Variants in BCL2 observed in about 807,000 individuals in gnomAD.
BCL2 encodes BCL2 apoptosis regulator, also known as apoptosis regulator Bcl-2.
BCL2 carries 1 observed loss-of-function variant against 14.2 expected under a neutral mutation model. The observed-to-expected ratio is 0.07, with a 90% CI of 0.02 to 0.33. The LOEUF (loss-of-function observed/expected upper bound fraction) is 0.33, where lower values mean the gene tolerates loss of function less well. BCL2 is among the 10% of genes least tolerant of loss of function. The pLI is 0.99. For missense variants in BCL2, 247 were observed against 305.9 expected (o/e 0.81, Z 1.44); for synonymous variants, 151 against 137.2 (o/e 1.10, Z -0.70).
At chr18:63,138,862 G>A (rs191598641) in intron 2 of BCL2, among the ~76,000 whole-genome samples, 2 of 152,378 alleles carry the variant, frequency 1.3e-5, no homozygotes, top group African/African-American at 4.8e-5. Flanking sequence ...ATTTAGCTAA[G>A]AATGCAAATC....
chr18:63,157,651 T>C (rs941213147), intron 2 of BCL2, among the ~76,000 whole-genome samples: 1 of 152,174 alleles, frequency 6.6e-6, no homozygotes, highest in Non-Finnish European at 1.5e-5. Context: ...CCATATGCCA[T>C]CAAAATACCA....
chr18:63,277,034 A>G (rs1407976171), intron 2 of BCL2, among the ~76,000 whole-genome samples: 1 of 152,032 alleles, frequency 6.6e-6, no homozygotes, highest in Non-Finnish European at 1.5e-5. Context: ...ATTTCCCGCC[A>G]CTTTCCCTCC....
At chr18:63,187,714 T>G (rs1915622472) in intron 2 of BCL2, among the ~76,000 whole-genome samples, 1 of 152,246 alleles carries the variant, frequency 6.6e-6, no homozygotes, top group Admixed American at 6.5e-5. Context: ...GTATTGTTGT[T>G]GTTACCTCTA....
At chr18:63,264,982 A>G (rs1298329874) in intron 2 of BCL2, among the ~76,000 whole-genome samples, 1 of 3,636 alleles carries the variant, frequency 2.8e-4, no homozygotes, top group Non-Finnish European at 5.7e-4. Flanking sequence ...ATGGAAAGAA[A>G]CCAAGTGCCA....
chr18:63,239,467 C>A (rs748513678), intron 2 of BCL2, among the ~76,000 whole-genome samples: 1 of 152,148 alleles, frequency 6.6e-6, no homozygotes, highest in Non-Finnish European at 1.5e-5. Flanking sequence ...TCAGGCCAGG[C>A]GCAGTGACTC....
intron 2 of BCL2, among the ~76,000 whole-genome samples, chr18:63,185,953 G>T (rs1915585269): frequency 6.6e-6 from 1 of 152,218 alleles, no homozygotes; most frequent in South Asian, 2.1e-4. Context: ...TGTCAAAACA[G>T]CTTGGAGCTT....
intron 2 of BCL2, among the ~76,000 whole-genome samples, chr18:63,239,476 T>C (rs543929700): frequency 1.3e-5 from 2 of 152,326 alleles, no homozygotes; most frequent in Admixed American, 1.3e-4. Context: ...GCGCAGTGAC[T>C]CACACCTGTA....
intron 2 of BCL2, chr18:63,317,552 A>G: frequency 1.0e-6 from 1 of 986,814 alleles, no homozygotes; most frequent in Non-Finnish European, 1.2e-6. Flanking sequence ...CTTTTGGAAA[A>G]TTTTACCGAT....
chr18:63,269,161 C>T (rs1454286618), intron 2 of BCL2, among the ~76,000 whole-genome samples: 2 of 151,778 alleles, frequency 1.3e-5, no homozygotes, highest in African/African-American at 4.8e-5. Context: ...ACTATGCTGC[C>T]CAGGCTGGTC....
rs1910676893 is a variant in BCL2, at chr18:63,231,130, G to A, written c.585+86952C>T. On this transcript the variant is annotated intron_variant, in intron 2 of 2. Transcript: ENST00000333681. Reference sequence around the variant, plus strand: ...TTCCCCACATTGGCAAATTAGGAAGGAAAAACCATATAATCATCTCAATAG... The same window carrying A: ...TTCCCCACATTGGCAAATTAGGAAGAAAAAACCATATAATCATCTCAATAG... Among the ~76,000 whole-genome samples, 5 of 151,924 alleles carry A rather than the reference G, an allele frequency of 3.3e-5. No individual in the cohort carries two copies. In the South Asian group the frequency reaches 1.0e-3, roughly 32 times the overall value.
chr18:63,190,548 GC>G (rs1909261220), intron 2 of BCL2, among the ~76,000 whole-genome samples: 1 of 152,164 alleles, frequency 6.6e-6, no homozygotes, highest in African/African-American at 2.4e-5. Flanking sequence ...CTTTCAGATG[GC>G]AGGGACACAA....
chr18:63,159,324 C>G (rs1197538024), intron 2 of BCL2, among the ~76,000 whole-genome samples: 1 of 152,208 alleles, frequency 6.6e-6, no homozygotes, highest in Non-Finnish European at 1.5e-5. Flanking sequence ...ACCTTCGCCT[C>G]CACTAAGACA....
Position 63,289,199 on chromosome 18 carries a change from A to C in BCL2, c.585+28883T>G, listed in dbSNP as rs560999151. On this transcript the variant is annotated intron_variant, in intron 2 of 2. Coordinates refer to ENST00000333681, the MANE Select transcript of BCL2 (RefSeq NM_000633.3). ...CATGTTTATAACCTGGAAGAGGAAG[A>C]AGGAAAAGTATAGCAAACATTTGTA... Among the ~76,000 whole-genome samples the C allele has an allele frequency of 1.4e-4, 22 of 152,318 alleles. 2 individuals are homozygous for C. In the South Asian group the frequency reaches 4.4e-3, roughly 30 times the overall value.
intron 2 of BCL2, among the ~76,000 whole-genome samples, chr18:63,250,813 T>C (rs1911289764): frequency 6.6e-6 from 1 of 152,192 alleles, no homozygotes; most frequent in Non-Finnish European, 1.5e-5. Flanking sequence ...CAAATAATAA[T>C]GGTCACAAAT....
Position 63,197,534 on chromosome 18 carries a change from AGAGGACGGTGTCTGT to A in BCL2, c.586-68790_586-68776del, listed in dbSNP as rs1281191199. ...ACAATCCTCTGGTGACAGCTACCTC[AGAGGACGGTGTCTGT>A]GAGGCGCCAGTCACTCCTACAGTTG... On this transcript the variant is annotated intron_variant, in intron 2 of 2. Coordinates refer to ENST00000333681, the MANE Select transcript of BCL2 (RefSeq NM_000633.3). 2.0e-5 allele frequency among the ~76,000 whole-genome samples: 3 copies of A among 152,248 alleles called. 1 individual carries two copies. The highest frequency in any genetic ancestry group is 4.4e-5 in the Non-Finnish European group (3 of 68,030).
At chr18:63,273,456 C>T (rs966416372) in intron 2 of BCL2, among the ~76,000 whole-genome samples, 10 of 152,202 alleles carry the variant, frequency 6.6e-5, no homozygotes, top group African/African-American at 2.4e-4. Flanking sequence ...TGACAATTTA[C>T]ACTTACCAGC....
chr18:63,243,558 C>G (rs1239173653), intron 2 of BCL2, among the ~76,000 whole-genome samples: 1 of 152,124 alleles, frequency 6.6e-6, no homozygotes, highest in African/African-American at 2.4e-5. Flanking sequence ...AAAAAATTCA[C>G]CAGCATCCCA....
intron 2 of BCL2, among the ~76,000 whole-genome samples, chr18:63,129,518 A>G (rs1914008077): frequency 6.6e-6 from 1 of 152,158 alleles, no homozygotes; most frequent in Non-Finnish European, 1.5e-5. Flanking sequence ...GGCTCAAGTG[A>G]GTCTCCTGCC....
intron 2 of BCL2, among the ~76,000 whole-genome samples, chr18:63,258,303 A>G (rs1398737196): frequency 6.6e-6 from 1 of 152,246 alleles, no homozygotes; most frequent in African/African-American, 2.4e-5. Context: ...ATTTTGTCAC[A>G]GCAGCCCTAG....
Sources: allele counts gnomAD v4.1 joint callset (sites outside exome capture counted in the v4.1 genomes callset), GRCh38; gene constraint gnomAD v4.1.1; transcripts MANE v1.5; gene names NCBI Gene and HGNC (gene_info 2026-07-23, HGNC 2026-07-21).